Variants in LRP1B observed in about 807,000 individuals in gnomAD.
LRP1B encodes LDL receptor related protein 1B, also known as low-density lipoprotein receptor-related protein 1B.
In LRP1B, 217 loss-of-function variants were observed where a neutral mutation model predicts 556.6. That is an observed-to-expected ratio of 0.39 (90% confidence interval 0.35 to 0.44). The LOEUF is 0.44. Ranked by LOEUF, LRP1B falls within the 20% of genes least tolerant of loss-of-function variation. The pLI, the probability that LRP1B is intolerant of heterozygous loss-of-function variation, is 1.00. For synonymous variants in LRP1B, 2,047 were observed against 1,865.8 expected (o/e 1.10, Z -2.50); for missense variants, 5,053 against 5,620.8 (o/e 0.90, Z 3.23).
At chr2:140,998,001 CTAAACTTTTTACTGCCT>C (rs1697303430) in intron 15 of LRP1B, among the ~76,000 whole-genome samples, 2 of 152,078 alleles carry the variant, frequency 1.3e-5, no homozygotes, top group African/African-American at 4.8e-5. Context: ...GGATGGGCTT[CTAAACTTTTTACTGCCT>C]TAAACTTTTT....
At chr2:140,671,336 C>T (rs1053972380) in intron 41 of LRP1B, among the ~76,000 whole-genome samples, 10 of 152,054 alleles carry the variant, frequency 6.6e-5, no homozygotes, top group Non-Finnish European at 1.2e-4. Context: ...CTGGCTAACA[C>T]GGTGAAACCC....
At chr2:142,066,696 A>G (rs780065245) in intron 1 of LRP1B, among the ~76,000 whole-genome samples, 2 of 151,418 alleles carry the variant, frequency 1.3e-5, no homozygotes, top group African/African-American at 4.8e-5. Context: ...TGTTCAGCAC[A>G]ATCTAGTATT....
rs117042056 is a variant in LRP1B, at chr2:141,766,424, C to A, written c.205+43855G>T. Reference sequence around the variant, plus strand: ...GCAGCTGCATTTTCAAGGCTAGTATCTTATTACAGCTAATGTCCTCATCAC... The same window carrying A: ...GCAGCTGCATTTTCAAGGCTAGTATATTATTACAGCTAATGTCCTCATCAC... On this transcript the variant is annotated intron_variant, in intron 2 of 90. Coordinates refer to ENST00000389484, the MANE Select transcript of LRP1B (RefSeq NM_018557.3). 1.1e-4 allele frequency among the ~76,000 whole-genome samples: 17 copies of A among 152,282 alleles called. 1 individual carries two copies. In the East Asian group the frequency reaches 3.1e-3, roughly 28 times the overall value.
At chr2:141,371,855 T>G (rs1235847861) in intron 3 of LRP1B, among the ~76,000 whole-genome samples, 2 of 150,260 alleles carry the variant, frequency 1.3e-5, no homozygotes, top group Admixed American at 6.6e-5. Flanking sequence ...TTGATATTTT[T>G]ATTTTTTTTC....
chr2:140,678,524 T>C (rs768712946), intron 41 of LRP1B, among the ~76,000 whole-genome samples: 5 of 152,188 alleles, frequency 3.3e-5, no homozygotes, highest in African/African-American at 4.8e-5. Context: ...TTTTTTCCCC[T>C]TTAAGTAAGC....
chr2:141,206,131 T>TCACACA (rs10556736), intron 6 of LRP1B, among the ~76,000 whole-genome samples: 5 of 149,440 alleles, frequency 3.3e-5, no homozygotes, highest in African/African-American at 9.9e-5. Flanking sequence ...AGTGTACTAT[T>TCACACA]CACACACACA....
chr2:141,293,705 A>T (rs1686071175), intron 3 of LRP1B, among the ~76,000 whole-genome samples: 2 of 151,922 alleles, frequency 1.3e-5, no homozygotes, highest in South Asian at 4.1e-4. Flanking sequence ...ATCCAAACCC[A>T]GAATACATTT....
intron 66 of LRP1B, among the ~76,000 whole-genome samples, chr2:140,394,923 G>C (rs1684185488): frequency 6.6e-6 from 1 of 152,030 alleles, no homozygotes; most frequent in African/African-American, 2.4e-5. Flanking sequence ...CACCAACAGA[G>C]TAAAGACATA....
intron 43 of LRP1B, among the ~76,000 whole-genome samples, chr2:140,561,142 T>C (rs914030815): frequency 2.0e-5 from 3 of 152,162 alleles, no homozygotes; most frequent in Admixed American, 6.6e-5. Context: ...CTAAAACTCC[T>C]TTTCTTCACA....
chr2:141,164,108 A>T (rs1311205840), intron 7 of LRP1B, among the ~76,000 whole-genome samples: 1 of 152,086 alleles, frequency 6.6e-6, no homozygotes, highest in Admixed American at 6.6e-5. Context: ...TATGGGTAAG[A>T]TAATTATTGC....
chr2:141,004,405 C>T (rs2105372357), intron 15 of LRP1B, among the ~76,000 whole-genome samples: 1 of 152,116 alleles, frequency 6.6e-6, no homozygotes, highest in East Asian at 1.9e-4. Context: ...CGTCAACTGC[C>T]TGATTATTTG....
At chr2:141,156,551 C>T (rs1702072007) in intron 7 of LRP1B, among the ~76,000 whole-genome samples, 1 of 151,600 alleles carries the variant, frequency 6.6e-6, no homozygotes, top group Non-Finnish European at 1.5e-5. Flanking sequence ...CTGCTTGAAC[C>T]TGGGAGGTGG....
chr2:141,656,839 A>G (rs1251525128), intron 2 of LRP1B, among the ~76,000 whole-genome samples: 1 of 152,132 alleles, frequency 6.6e-6, no homozygotes, highest in East Asian at 1.9e-4. Context: ...ATGTTGCATA[A>G]TCATATAGAT....
At chr2:140,717,504 G>A (rs1470264994) in intron 35 of LRP1B, among the ~76,000 whole-genome samples, 1 of 151,994 alleles carries the variant, frequency 6.6e-6, no homozygotes, top group Non-Finnish European at 1.5e-5. Context: ...TTATATAAGA[G>A]TACTTTTTGA....
intron 7 of LRP1B, among the ~76,000 whole-genome samples, chr2:141,114,790 T>A (rs1700844602): frequency 6.6e-6 from 1 of 152,064 alleles, no homozygotes; most frequent in African/African-American, 2.4e-5. Flanking sequence ...TTGTATAAAT[T>A]GTCAGAGGAA....
chr2:140,538,410 G>T (rs12620866), intron 45 of LRP1B, among the ~76,000 whole-genome samples: 70,312 of 151,804 alleles, frequency 0.46, 16,797 homozygotes, highest in East Asian at 0.61. Context: ...AGGTGTCCAT[G>T]GTTGCCATCT....
intron 1 of LRP1B, among the ~76,000 whole-genome samples, chr2:142,030,036 GAAAA>G (rs11362272): frequency 6.8e-6 from 1 of 146,728 alleles, no homozygotes; most frequent in Non-Finnish European, 1.5e-5. Flanking sequence ...TCCTTTTTAG[GAAAA>G]AAAAAAAAAC....
At chr2:140,767,750 C>T (rs1194674697) in intron 35 of LRP1B, among the ~76,000 whole-genome samples, 1 of 151,646 alleles carries the variant, frequency 6.6e-6, no homozygotes. Flanking sequence ...ATTTTTTCCT[C>T]ATGGAAATTT....
chr2:140,606,705 A>C (rs1682879653), intron 41 of LRP1B, among the ~76,000 whole-genome samples: 1 of 152,108 alleles, frequency 6.6e-6, no homozygotes, highest in Non-Finnish European at 1.5e-5. Context: ...ATTATCTCAA[A>C]TATATAGTAC....
Sources: allele counts gnomAD v4.1 joint callset (sites outside exome capture counted in the v4.1 genomes callset), GRCh38; gene constraint gnomAD v4.1.1; transcripts MANE v1.5; gene names NCBI Gene and HGNC (gene_info 2026-07-23, HGNC 2026-07-21).